The following CNBD1 variants were observed in gnomAD, a reference collection of about 807,000 sequenced individuals.
CNBD1 encodes cyclic nucleotide-binding domain-containing protein 1.
A neutral mutation model predicts 54.4 loss-of-function variants in CNBD1; 71 were observed. That is an observed-to-expected ratio of 1.30 (90% confidence interval 1.08 to 1.59). CNBD1 has a LOEUF of 1.59. Ranked by LOEUF, CNBD1 falls within the 40% of genes most tolerant of loss-of-function variation. The pLI, the probability that CNBD1 is intolerant of heterozygous loss-of-function variation, is 0.00. For synonymous variants in CNBD1, 182 were observed against 170.7 expected (o/e 1.07, Z -0.51); for missense variants, 659 against 518.0 (o/e 1.27, Z -2.64).
At chr8:87,404,118 GAAGAAGGAGAC>G (rs1388829192) in intron 2 of CNBD1, among the ~76,000 whole-genome samples, 6 of 152,098 alleles carry the variant, frequency 3.9e-5, no homozygotes, top group African/African-American at 1.4e-4. Context: ...GATCAAGAGA[GAAGAAGGAGAC>G]AGCAGGGGAG....
intron 2 of CNBD1, among the ~76,000 whole-genome samples, chr8:86,898,214 AC>A (rs1808877064): frequency 6.6e-6 from 1 of 152,178 alleles, no homozygotes; most frequent in Non-Finnish European, 1.5e-5. Context: ...ATATAAAGAC[AC>A]AAAAAAGATT....
chr8:87,370,812 T>C lies in CNBD1; in HGVS notation c.1304-11808T>C, dbSNP rs548770460. On this transcript the variant is annotated intron_variant, in intron 10 of 10. Coordinates refer to ENST00000518476, the MANE Select transcript of CNBD1 (RefSeq NM_173538.3). ...CATGAAGTCCTTGCCCATGCCTATG[T>C]CCTGAATGGTAATGCCTAGGTTTTC... Among the ~76,000 whole-genome samples the C allele has an allele frequency of 1.3e-3, 196 of 150,296 alleles. 2 individuals are homozygous for C. In the South Asian group the frequency reaches 0.025, roughly 19 times the overall value.
At chr8:87,256,007 ATATATATATTTTTT>A (rs1406497457) in intron 6 of CNBD1, among the ~76,000 whole-genome samples, 2 of 19,800 alleles carry the variant, frequency 1.0e-4, no homozygotes, top group South Asian at 2.6e-3. Flanking sequence ...ATATATATAT[ATATATATATTTTTT>A]TTTTTTTTTT....
rs143783016 is a variant in CNBD1, at chr8:87,352,405, G to A, written c.1152+611G>A. Among the ~76,000 whole-genome samples, 1,410 of 151,438 alleles carry A rather than the reference G, an allele frequency of 9.3e-3. 15 individuals are homozygous for A. The highest frequency in any genetic ancestry group is 0.014 in the Non-Finnish European group (960 of 67,902). ...TGAGGCAGAAGAATCGCTTGAACCTGGAAGGCGGAGGTTGCAGTGAGCCAA... is the reference window on the plus strand; with the variant it reads ...TGAGGCAGAAGAATCGCTTGAACCTAGAAGGCGGAGGTTGCAGTGAGCCAA... On this transcript the variant is annotated intron_variant, in intron 9 of 10. Coordinates refer to ENST00000518476, the MANE Select transcript of CNBD1 (RefSeq NM_173538.3).
intron 4 of CNBD1, among the ~76,000 whole-genome samples, chr8:87,013,768 A>T (rs1809273387): frequency 2.6e-5 from 4 of 151,536 alleles, no homozygotes; most frequent in African/African-American, 9.7e-5. Flanking sequence ...GGCCTTTATA[A>T]ATTCTATAAT....
chr8:87,404,074 A>G (rs926873772), intron 2 of CNBD1, among the ~76,000 whole-genome samples: 1 of 152,054 alleles, frequency 6.6e-6, no homozygotes, highest in African/African-American at 2.4e-5. Context: ...GCAGAGAACT[A>G]TCTGATGAAA....
chr8:87,045,724 C>CAAA (rs58973406), intron 4 of CNBD1, among the ~76,000 whole-genome samples: 1,794 of 50,980 alleles, frequency 0.035, 151 homozygotes, highest in African/African-American at 0.13. Context: ...GACTCCGTCT[C>CAAA]AAAAAAAAAA....
intron 8 of CNBD1, among the ~76,000 whole-genome samples, chr8:87,301,485 A>G (rs1808991297): frequency 6.6e-6 from 1 of 152,164 alleles, no homozygotes; most frequent in Admixed American, 6.6e-5. Context: ...ACATATCAAA[A>G]AGATAATCTG....
At chr8:87,308,323 A>G (rs747644291) in intron 8 of CNBD1, among the ~76,000 whole-genome samples, 1 of 152,176 alleles carries the variant, frequency 6.6e-6, no homozygotes, top group Non-Finnish European at 1.5e-5. Flanking sequence ...TACCAAAAAA[A>G]TCATGTTTCA....
At chr8:87,008,356 T>A (rs1809144844) in intron 4 of CNBD1, among the ~76,000 whole-genome samples, 1 of 152,200 alleles carries the variant, frequency 6.6e-6, no homozygotes, top group Non-Finnish European at 1.5e-5. Context: ...AAGCACTAAA[T>A]ATGGGAATCT....
chr8:87,028,045 A>C (rs1038540434), intron 4 of CNBD1, among the ~76,000 whole-genome samples: 1 of 152,150 alleles, frequency 6.6e-6, no homozygotes, highest in African/African-American at 2.4e-5. Context: ...ACACACACAC[A>C]CACAACACAC....
At chr8:87,271,445 G>T (rs1221994628) in intron 6 of CNBD1, among the ~76,000 whole-genome samples, 1 of 151,750 alleles carries the variant, frequency 6.6e-6, no homozygotes, top group East Asian at 1.9e-4. Flanking sequence ...TATGTTGCAT[G>T]TCAATTTTCA....
At chr8:87,015,780 GAC>G (rs1809342164) in intron 4 of CNBD1, among the ~76,000 whole-genome samples, 1 of 151,892 alleles carries the variant, frequency 6.6e-6, no homozygotes, top group South Asian at 2.1e-4. Context: ...AGGAGTTTGA[GAC>G]ACAGACTAAC....
intron 6 of CNBD1, among the ~76,000 whole-genome samples, chr8:87,279,130 A>G (rs963582516): frequency 4.0e-5 from 6 of 151,452 alleles, no homozygotes; most frequent in African/African-American, 2.4e-5. Flanking sequence ...CACATATAGG[A>G]TTCAGTATTA....
chr8:87,227,380 G>A (rs1459337180), intron 5 of CNBD1, among the ~76,000 whole-genome samples: 35 of 148,858 alleles, frequency 2.4e-4, no homozygotes, highest in African/African-American at 6.5e-4. Context: ...GGCTGGTACC[G>A]GTTGTTCCTT....
At chr8:86,886,422 G>A (rs1466396971) in intron 1 of CNBD1, among the ~76,000 whole-genome samples, 2 of 152,054 alleles carry the variant, frequency 1.3e-5, no homozygotes, top group Admixed American at 1.3e-4. Flanking sequence ...GTATTTCCAA[G>A]TTTATTATGA....
chr8:87,316,305 C>A (rs1245395130), intron 8 of CNBD1, among the ~76,000 whole-genome samples: 1 of 151,922 alleles, frequency 6.6e-6, no homozygotes, highest in Non-Finnish European at 1.5e-5. Context: ...CTAAAAGGAA[C>A]AAAAATTCCT....
intron 4 of CNBD1, among the ~76,000 whole-genome samples, chr8:87,028,008 C>A (rs1456991383): frequency 6.6e-6 from 1 of 151,988 alleles, no homozygotes; most frequent in African/African-American, 2.4e-5. Context: ...TGTCTGGTAC[C>A]CACAAAAGAC....
intron 4 of CNBD1, among the ~76,000 whole-genome samples, chr8:87,066,043 G>T (rs1356374963): frequency 2.6e-5 from 4 of 151,988 alleles, no homozygotes; most frequent in African/African-American, 9.7e-5. Flanking sequence ...GCCAGAGTTA[G>T]ACTTCATTCT....
Sources: gnomAD v4.1 joint callset for allele counts (sites outside exome capture counted in the v4.1 genomes callset) on GRCh38, gnomAD v4.1.1 for gene constraint, MANE v1.5 for transcripts, NCBI Gene and HGNC (gene_info 2026-07-23, HGNC 2026-07-21) for gene names.